The following LRP1B variants were observed in gnomAD, a reference collection of about 807,000 sequenced individuals.
LRP1B encodes the protein LDL receptor related protein 1B.
A neutral mutation model predicts 556.6 loss-of-function variants in LRP1B; 217 were observed. The ratio of observed to expected loss-of-function variants is 0.39; its 90% confidence interval spans 0.35 to 0.44. LRP1B has a LOEUF of 0.44. LRP1B is among the 20% of genes least tolerant of loss of function. The probability of loss-of-function intolerance (pLI) is 1.00; values close to 1 mark genes in which losing one functional copy is unlikely to be tolerated. For synonymous variants in LRP1B, 2,047 were observed against 1,865.8 expected, an observed-to-expected ratio of 1.10 and a Z score of -2.50; for missense variants, 5,053 against 5,620.8, an observed-to-expected ratio of 0.90 and a Z score of 3.23.
intron 2 of LRP1B, among the ~76,000 whole-genome samples, chr2:141,626,198 G>A (rs1688696418): frequency 6.6e-6 from 1 of 152,076 alleles, no homozygotes; most frequent in Non-Finnish European, 1.5e-5. Flanking sequence ...AGGAGCAAAG[G>A]CAATACAATA....
At chr2:140,764,511 T>C (rs547971407) in intron 35 of LRP1B, among the ~76,000 whole-genome samples, 1 of 152,282 alleles carries the variant, frequency 6.6e-6, no homozygotes, top group South Asian at 2.1e-4. Context: ...GTTTCAAAGA[T>C]AAATATGAAT....
At chr2:140,969,241 T>C (rs542882267) in intron 18 of LRP1B, among the ~76,000 whole-genome samples, 2 of 152,342 alleles carry the variant, frequency 1.3e-5, no homozygotes, top group African/African-American at 2.4e-5. Flanking sequence ...ATATTTAAGA[T>C]AGTTAGCTCT....
chr2:141,835,557 G>T (rs1437658476), intron 1 of LRP1B, among the ~76,000 whole-genome samples: 1 of 151,872 alleles, frequency 6.6e-6, no homozygotes, highest in African/African-American at 2.4e-5. Context: ...TAGAAAGCAA[G>T]AAAAAGATAT....
chr2:141,575,569 A>T (rs1686707833), intron 2 of LRP1B, among the ~76,000 whole-genome samples: 1 of 152,232 alleles, frequency 6.6e-6, no homozygotes, highest in Admixed American at 6.5e-5. Context: ...AAATGCCAAA[A>T]GCAATTGCAA....
At chr2:141,004,005 T>C (rs1364487406) in intron 15 of LRP1B, among the ~76,000 whole-genome samples, 1 of 152,116 alleles carries the variant, frequency 6.6e-6, no homozygotes, top group Non-Finnish European at 1.5e-5. Context: ...TTTTCTCATA[T>C]GTCTTAAATC....
chr2:141,187,024 C>T (rs1681291871), intron 7 of LRP1B, among the ~76,000 whole-genome samples: 1 of 152,064 alleles, frequency 6.6e-6, no homozygotes, highest in South Asian at 2.1e-4. Context: ...CAGGGAAAAA[C>T]ATGCAAGCAA....
intron 3 of LRP1B, among the ~76,000 whole-genome samples, chr2:141,321,643 A>G (rs953153799): frequency 6.6e-6 from 1 of 152,064 alleles, no homozygotes; most frequent in Non-Finnish European, 1.5e-5. Context: ...AAAATCCAGC[A>G]ATAGATTACT....
intron 20 of LRP1B, among the ~76,000 whole-genome samples, chr2:140,925,445 G>T (rs1694857680): frequency 6.6e-6 from 1 of 152,094 alleles, no homozygotes; most frequent in South Asian, 2.1e-4. Flanking sequence ...CAATGAAAGG[G>T]CTTTTTTTCT....
chr2:140,507,019 A>C, intron 52 of LRP1B, 101 bp from the exon 53 acceptor site: 1 of 1,239,944 alleles, frequency 8.1e-7, no homozygotes, highest in Non-Finnish European at 1.1e-6. Context: ...CCAATAATTC[A>C]TAGTTACTGA....
chr2:141,614,085 A>G (rs1385751297), intron 2 of LRP1B, among the ~76,000 whole-genome samples: 1 of 146,680 alleles, frequency 6.8e-6, no homozygotes, highest in Admixed American at 6.8e-5. Flanking sequence ...AGCCTCAAAA[A>G]AAAAAAAAAA....
chr2:141,842,687 A>G lies in LRP1B; in HGVS notation c.83-32286T>C, dbSNP rs147803956. 2.2e-3 allele frequency among the ~76,000 whole-genome samples: 332 copies of G among 152,290 alleles called. 1 individual carries two copies. Among genetic ancestry groups the G allele is most frequent in the Middle Eastern group, 3.4e-3 (1 of 294 alleles). The stretch of plus-strand genomic sequence containing the variant: ...ACACAGCAAATCAATAATAAATAAC[A>G]CATGGATGAATGAATGGATGGATAA... On this transcript the variant is annotated intron_variant, in intron 1 of 90. Transcript: ENST00000389484.
intron 1 of LRP1B, among the ~76,000 whole-genome samples, chr2:141,922,597 T>C (rs1384970336): frequency 1.3e-5 from 2 of 152,202 alleles, no homozygotes; most frequent in East Asian, 3.8e-4. Context: ...TGCTTACACA[T>C]TTTTGTATAA....
chr2:140,317,499 G>A (rs1684576483), intron 82 of LRP1B, among the ~76,000 whole-genome samples: 1 of 150,012 alleles, frequency 6.7e-6, no homozygotes, highest in Non-Finnish European at 1.5e-5. Flanking sequence ...GGAAATGGAG[G>A]GGTAGTTTTG....
chr2:141,639,393 C>CAT (rs1357208864), intron 2 of LRP1B, among the ~76,000 whole-genome samples: 437 of 36,458 alleles, frequency 0.012, 11 homozygotes, highest in African/African-American at 0.027. Flanking sequence ...TATATATACA[C>CAT]ATATATATAT....
At chr2:140,559,576 G>T (rs1224921047) in intron 43 of LRP1B, among the ~76,000 whole-genome samples, 2 of 152,046 alleles carry the variant, frequency 1.3e-5, no homozygotes, top group Non-Finnish European at 2.9e-5. Flanking sequence ...ATCTTGTGGG[G>T]CCAGAAATAA....
At chr2:141,228,838 AT>A (rs1250941627) in intron 6 of LRP1B, among the ~76,000 whole-genome samples, 2 of 152,172 alleles carry the variant, frequency 1.3e-5, no homozygotes, top group Non-Finnish European at 2.9e-5. Flanking sequence ...ACTTATAATT[AT>A]CAACTCTGTC....
intron 1 of LRP1B, among the ~76,000 whole-genome samples, chr2:141,961,625 C>A (rs1701406637): frequency 2.0e-5 from 3 of 151,582 alleles, no homozygotes; most frequent in Non-Finnish European, 3.0e-5. Context: ...TTTCCATTAA[C>A]CTAAGAATGA....
At chr2:140,309,275 T>TACTTCTTAATATATTCTGA (rs1684195820) in intron 83 of LRP1B, among the ~76,000 whole-genome samples, 1 of 151,870 alleles carries the variant, frequency 6.6e-6, no homozygotes, top group African/African-American at 2.4e-5. Flanking sequence ...CCCTCCCAGG[T>TACTTCTTAATATATTCTGA]ACTTCTTAAT....
intron 66 of LRP1B, among the ~76,000 whole-genome samples, chr2:140,424,311 G>A (rs1171022153): frequency 6.6e-6 from 1 of 152,102 alleles, no homozygotes; most frequent in African/African-American, 2.4e-5. Context: ...AAATTTCAAA[G>A]GAGAGTTAAA....
Sources: allele counts gnomAD v4.1 joint callset (sites outside exome capture counted in the v4.1 genomes callset), GRCh38; gene constraint gnomAD v4.1.1; transcripts MANE v1.5; gene names NCBI Gene and HGNC (gene_info 2026-07-23, HGNC 2026-07-21).